Variants in HYDIN observed in about 807,000 individuals in gnomAD.
The protein encoded by HYDIN is axonemal central pair apparatus protein HYDIN.
A neutral mutation model predicts 403.9 loss-of-function variants in HYDIN; 132 were observed. The ratio of observed to expected loss-of-function variants is 0.33; its 90% CI spans 0.28 to 0.38. HYDIN has a LOEUF of 0.38. Ranked by LOEUF, HYDIN falls within the 10% of genes least tolerant of loss-of-function variation. The pLI is 1.00. For synonymous variants in HYDIN, 1,202 were observed against 1,891.7 expected, an observed-to-expected ratio of 0.64 and a Z score of 9.46; for missense variants, 2,827 against 5,009.5, an observed-to-expected ratio of 0.56 and a Z score of 13.15.
At chr16:71,224,775 A>G (rs1331161672) in intron 1 of HYDIN, among the ~76,000 whole-genome samples, 2 of 151,476 alleles carry the variant, frequency 1.3e-5, no homozygotes, top group Non-Finnish European at 2.9e-5. Context: ...TTTAGCCGGG[A>G]TGGTCTCGAT....
intron 45 of HYDIN, among the ~76,000 whole-genome samples, chr16:70,923,147 A>T (rs1337742783): frequency 2.0e-5 from 3 of 147,700 alleles, no homozygotes; most frequent in Non-Finnish European, 4.5e-5. Context: ...GAAGTTAGAA[A>T]AAGAACGGAA....
intron 84 of HYDIN, among the ~76,000 whole-genome samples, chr16:70,810,711 T>C (rs2035438489): frequency 6.6e-6 from 1 of 152,018 alleles, no homozygotes; most frequent in African/African-American, 2.4e-5. Context: ...GCACCTGTAG[T>C]CCCAGCTACT....
chr16:70,807,474 G>C lies in HYDIN; in HGVS notation c.*106C>G. 7.8e-7 allele frequency: 1 copy of C among 1,276,834 alleles called. No homozygotes were observed. Among genetic ancestry groups the C allele is most frequent in the Non-Finnish European group, 1.1e-6 (1 of 923,574 alleles). The allele number at this position is 1,276,834 out of a possible 1,614,324, so 79.1% of individuals were successfully genotyped here. On this transcript the variant is annotated 3_prime_UTR_variant, in exon 86 of 86. Transcript: ENST00000393567. The stretch of plus-strand genomic sequence containing the variant: ...GGAAATAACTGCCCTATAATTGTAT[G>C]AGAAGAATAAAAACAGTTCCTTTAG...
rs564956432 is a variant in HYDIN at position 70,938,686 on chromosome 16, T to A, written c.6923A>T (p.Asp2308Val). ...RLQNMDEEEY[D>V]ALTEEEKLTF... ...GAGTTTCTCCTCCTCAGTCAGGGCATCATATTCTTCCTCATCCATGTTTTG... is the reference window on the plus strand; with the variant it reads ...GAGTTTCTCCTCCTCAGTCAGGGCAACATATTCTTCCTCATCCATGTTTTG... Residue 2308 changes from aspartate (D) to valine (V), a missense_variant, in exon 44 of 86, where the codon GAT becomes GTT. By Grantham distance (152) the Asp-to-Val change is radical (BLOSUM62 -3). Transcript: ENST00000393567. The A allele has an allele frequency of 3.7e-6, 6 of 1,613,534 alleles. No homozygotes were observed. In the South Asian group the frequency reaches 6.6e-5, roughly 18 times the overall value.
At chr16:70,941,095 G>C (rs2077657141) in intron 43 of HYDIN, among the ~76,000 whole-genome samples, 1 of 149,202 alleles carries the variant, frequency 6.7e-6, no homozygotes, top group African/African-American at 2.5e-5. Context: ...AAAAGCAAAG[G>C]GTTTAGAATT....
chr16:71,224,180 A>C (rs1048696051), intron 1 of HYDIN, among the ~76,000 whole-genome samples: 4 of 152,208 alleles, frequency 2.6e-5, no homozygotes, highest in African/African-American at 9.7e-5. Context: ...ATTCTAAGTG[A>C]AGTAACCCAG....
intron 75 of HYDIN, among the ~76,000 whole-genome samples, chr16:70,843,166 A>G (rs1477346708): frequency 7.1e-6 from 1 of 141,080 alleles, no homozygotes; most frequent in African/African-American, 2.8e-5. Flanking sequence ...AGCATTAGGT[A>G]TATCTCCCAA....
intron 45 of HYDIN, among the ~76,000 whole-genome samples, chr16:70,922,565 G>A (rs1358552753): frequency 6.6e-6 from 1 of 151,954 alleles, no homozygotes; most frequent in Non-Finnish European, 1.5e-5. Flanking sequence ...TGTACTCTGC[G>A]GATAGTTATC....
Position 71,020,186 on chromosome 16 carries a change from C to G in HYDIN, c.3318G>C (p.Pro1106=). 6.2e-7 allele frequency: 1 copy of G among 1,613,618 alleles called. No homozygotes were observed. Among genetic ancestry groups the G allele is most frequent in the Non-Finnish European group, 8.5e-7 (1 of 1,179,882 alleles). The change falls in exon 22 of 86, where the codon CCG becomes CCC. Residue 1106 remains proline, a synonymous_variant. Coordinates refer to ENST00000393567, the MANE Select transcript of HYDIN (RefSeq NM_001270974.2). Reference sequence around the variant, plus strand: ...CCTATTAAGGTACCTCAGGAGTTGCCGGCAGCAGGGATTTATCAGTCTCAC... The same window carrying G: ...CCTATTAAGGTACCTCAGGAGTTGCGGGCAGCAGGGATTTATCAGTCTCAC... ...FICETDKSLL[P]ATPEPIKLEI... is the part of the protein sequence containing the mutation.
In HYDIN at chr16:71,162,583, G is replaced by T; in HGVS notation, c.664C>A (p.Leu222Met). The change falls in exon 6 of 86, where the codon CTG (leucine) becomes ATG (methionine). Residue 222 changes from leucine (L) to methionine (M), a missense_variant. Coordinates refer to ENST00000393567, the MANE Select transcript of HYDIN (RefSeq NM_001270974.2). ...TTTTTGTTGCCAATGTTTCGTACCA[G>T]CAGAATCTTCTGGGTGCTGTATTTG... ...PVKYSTQKIL[L>M]VRNIGNKNAV... 2 of 1,073,048 alleles carry T rather than the reference G, an allele frequency of 1.9e-6. No individual in the cohort carries two copies. The highest frequency in any genetic ancestry group is 2.8e-6 in the Non-Finnish European group (2 of 705,300). 66.5% of individuals were successfully genotyped at this position (1,073,048 alleles called of 1,614,324 possible). A position where few individuals can be genotyped will look rare whatever the true frequency, so the allele number is the denominator to read the frequency against.
chr16:70,842,321 T>C (rs2037883683), intron 75 of HYDIN, among the ~76,000 whole-genome samples: 1 of 152,218 alleles, frequency 6.6e-6, no homozygotes, highest in South Asian at 2.1e-4. Context: ...ATTGTTTATT[T>C]CTTCCTTCAA....
At chr16:71,017,259 G>A (rs2080293061) in intron 23 of HYDIN, among the ~76,000 whole-genome samples, 1 of 151,042 alleles carries the variant, frequency 6.6e-6, no homozygotes, top group Non-Finnish European at 1.5e-5. Context: ...CTGAGGCAGG[G>A]GAATCGCTTG....
chr16:70,815,739 TAGTG>T (rs991254450), intron 84 of HYDIN, among the ~76,000 whole-genome samples: 39 of 136,594 alleles, frequency 2.9e-4, no homozygotes, highest in African/African-American at 1.0e-3. Flanking sequence ...TCCACAATCA[TAGTG>T]ATATACTTTA....
intron 5 of HYDIN, among the ~76,000 whole-genome samples, chr16:71,174,804 T>A (rs1031869982): frequency 1.3e-5 from 2 of 152,172 alleles, no homozygotes; most frequent in African/African-American, 4.8e-5. Context: ...TTAGACTGCC[T>A]GTGAGCTGAT....
chr16:71,038,557 T>C (rs1303238874), intron 18 of HYDIN, among the ~76,000 whole-genome samples: 5 of 151,238 alleles, frequency 3.3e-5, no homozygotes, highest in Non-Finnish European at 7.4e-5. Context: ...TAGGAAGCAA[T>C]GTGCAGAGTG....
chr16:71,052,311 T>C (rs1193206773), intron 18 of HYDIN, among the ~76,000 whole-genome samples: 1 of 151,646 alleles, frequency 6.6e-6, no homozygotes, highest in Non-Finnish European at 1.5e-5. Context: ...AAATGGGATA[T>C]AACAGAAAGC....
chr16:70,879,449 C>T lies in HYDIN; in HGVS notation c.10405G>A (p.Ala3469Thr), dbSNP rs1005451582. Residue 3469 changes from alanine to threonine, a missense_variant, in exon 62 of 86, where the codon GCT becomes ACT. Coordinates refer to ENST00000393567, the MANE Select transcript of HYDIN (RefSeq NM_001270974.2). ...ACTCGAGGGAGGTTCCCCTCACCAG[C>T]GATGTCAAACACGAGGCCTCGGCTC... ...AKSRGLVFDI[A>T]GEGNLPRVTV... The T allele has an allele frequency of 5.6e-6, 9 of 1,612,344 alleles. No homozygotes were observed. Among genetic ancestry groups the T allele is most frequent in the South Asian group, 1.1e-5 (1 of 90,714 alleles).
At chr16:70,855,561 A>G (rs1372294157) in intron 72 of HYDIN, among the ~76,000 whole-genome samples, 1 of 152,234 alleles carries the variant, frequency 6.6e-6, no homozygotes, top group Non-Finnish European at 1.5e-5. Flanking sequence ...CTTTAGACCC[A>G]AGAATTGTAA....
intron 1 of HYDIN, among the ~76,000 whole-genome samples, chr16:71,217,248 C>T (rs971548912): frequency 6.6e-6 from 1 of 152,162 alleles, no homozygotes; most frequent in Non-Finnish European, 1.5e-5. Context: ...CTTATGCACA[C>T]ATTTACCCCC....
Sources: allele counts gnomAD v4.1 joint callset (sites outside exome capture counted in the v4.1 genomes callset), GRCh38; gene constraint gnomAD v4.1.1; transcripts MANE v1.5; gene names NCBI Gene and HGNC (gene_info 2026-07-23, HGNC 2026-07-21).